The following PDZRN3 variants were observed in gnomAD, a reference collection of about 807,000 sequenced individuals.
PDZRN3 encodes the protein E3 ubiquitin-protein ligase PDZRN3.
A neutral mutation model predicts 85.7 loss-of-function variants in PDZRN3; 38 were observed. The ratio of observed to expected loss-of-function variants is 0.44; its 90% CI spans 0.34 to 0.58. The LOEUF (loss-of-function observed/expected upper bound fraction) is 0.58. PDZRN3 is among the 20% of genes least tolerant of loss of function. The pLI is 0.01. For synonymous variants in PDZRN3, 759 were observed against 638.0 expected, an observed-to-expected ratio of 1.19 and a Z score of -2.86; for missense variants, 1,629 against 1,506.4, an observed-to-expected ratio of 1.08 and a Z score of -1.35.
At chr3:73,533,605 C>A (rs978194344) in intron 3 of PDZRN3, among the ~76,000 whole-genome samples, 4 of 151,680 alleles carry the variant, frequency 2.6e-5, no homozygotes, top group Non-Finnish European at 5.9e-5. Flanking sequence ...GGGAACGTAT[C>A]CCATATAAGA....
intron 3 of PDZRN3, among the ~76,000 whole-genome samples, chr3:73,466,696 AG>A (rs1209857895): frequency 2.0e-5 from 3 of 152,334 alleles, no homozygotes; most frequent in Middle Eastern, 3.4e-3. Flanking sequence ...ATTTGTAGAA[AG>A]GGTCAAATTG....
intron 3 of PDZRN3, among the ~76,000 whole-genome samples, chr3:73,506,359 C>A (rs538254604): frequency 6.6e-6 from 1 of 152,148 alleles, no homozygotes; most frequent in East Asian, 1.9e-4. Flanking sequence ...ATGTGTACAA[C>A]AAAGATGAAA....
rs747166762 is a variant in PDZRN3, at chr3:73,383,446, G to A, written c.3120C>T (p.Ile1040=). The change falls in exon 10 of 10, where the codon ATC becomes ATT. Residue 1040 remains isoleucine (I), a synonymous_variant. Transcript: ENST00000263666. ...TTGTGCCGTGGGTTAAGAGTTCTTG[G>A]ATCGTCATCCAGTTATCGAAGATTT... The part of the protein sequence containing the change: ...NKKIFDNWMT[I]QELLTHGTKS... 4 of 1,614,114 alleles carry A rather than the reference G, an allele frequency of 2.5e-6. No homozygotes were observed. In the South Asian group the frequency reaches 3.3e-5, roughly 13 times the overall value.
intron 5 of PDZRN3, among the ~76,000 whole-genome samples, chr3:73,392,467 T>C (rs1308983253): frequency 6.6e-6 from 1 of 152,234 alleles, no homozygotes; most frequent in Non-Finnish European, 1.5e-5. Context: ...ACTCTCCCTC[T>C]TTCTAGCAGC....
intron 3 of PDZRN3, among the ~76,000 whole-genome samples, chr3:73,477,086 T>C (rs1435260517): frequency 6.6e-6 from 1 of 152,242 alleles, no homozygotes; most frequent in African/African-American, 2.4e-5. Flanking sequence ...TCATGAACTA[T>C]CTTGCTTAAT....
intron 3 of PDZRN3, among the ~76,000 whole-genome samples, chr3:73,492,226 C>G (rs1297670733): frequency 6.6e-6 from 1 of 152,156 alleles, no homozygotes; most frequent in Non-Finnish European, 1.5e-5. Context: ...AAATATTTCA[C>G]AGAAAAACCC....
intron 3 of PDZRN3, among the ~76,000 whole-genome samples, chr3:73,426,628 T>C (rs1702321076): frequency 6.6e-6 from 1 of 152,186 alleles, no homozygotes; most frequent in Non-Finnish European, 1.5e-5. Flanking sequence ...CAAGAAAATC[T>C]GTCAGAAGGC....
At chr3:73,609,083 T>C (rs890473492) in intron 1 of PDZRN3, among the ~76,000 whole-genome samples, 39 of 152,270 alleles carry the variant, frequency 2.6e-4, no homozygotes, top group African/African-American at 7.2e-4. Flanking sequence ...TGTCATGTCA[T>C]GAAAGGTTCA....
At chr3:73,471,964 A>G (rs1263280319) in intron 3 of PDZRN3, among the ~76,000 whole-genome samples, 3 of 152,208 alleles carry the variant, frequency 2.0e-5, no homozygotes, top group South Asian at 4.1e-4. Context: ...GTAGACAGGG[A>G]TAAGTTAGTG....
At chr3:73,434,509 GCTGCCCTAC>G (rs1702494934) in intron 3 of PDZRN3, among the ~76,000 whole-genome samples, 1 of 152,194 alleles carries the variant, frequency 6.6e-6, no homozygotes, top group African/African-American at 2.4e-5. Context: ...AAGGAGAGAG[GCTGCCCTAC>G]AGGTGAGAAA....
At chr3:73,452,874 T>TGTGTGTGTGTGTGTG (rs71126871) in intron 3 of PDZRN3, among the ~76,000 whole-genome samples, 25 of 151,510 alleles carry the variant, frequency 1.7e-4, no homozygotes, top group Non-Finnish European at 2.2e-4. Flanking sequence ...TGTGTGTGTG[T>TGTGTGTGTGTGTGTG]TTTAAGTCCA....
At chr3:73,467,642 T>C (rs1703247895) in intron 3 of PDZRN3, among the ~76,000 whole-genome samples, 1 of 152,238 alleles carries the variant, frequency 6.6e-6, no homozygotes, top group Non-Finnish European at 1.5e-5. Flanking sequence ...TTGCTAATAT[T>C]TGCTAATCTC....
At chr3:73,416,875 G>GTTTTTTTTTT (rs1491373717) in intron 3 of PDZRN3, among the ~76,000 whole-genome samples, 6 of 40,750 alleles carry the variant, frequency 1.5e-4, no homozygotes, top group African/African-American at 2.9e-4. Flanking sequence ...GTTTTTTTTT[G>GTTTTTTTTTT]GTTTTTTTTT....
At chr3:73,466,986 G>A (rs902090030) in intron 3 of PDZRN3, among the ~76,000 whole-genome samples, 1 of 152,100 alleles carries the variant, frequency 6.6e-6, no homozygotes, top group African/African-American at 2.4e-5. Flanking sequence ...GCAAAAATGG[G>A]TCCCCAGGAA....
intron 3 of PDZRN3, among the ~76,000 whole-genome samples, chr3:73,508,516 T>G (rs1263405566): frequency 2.0e-5 from 3 of 152,158 alleles, no homozygotes; most frequent in Admixed American, 6.5e-5. Context: ...GGACCTGCCG[T>G]GCAGCTCCTC....
intron 3 of PDZRN3, among the ~76,000 whole-genome samples, chr3:73,463,235 G>A (rs1703144437): frequency 6.6e-6 from 1 of 152,194 alleles, no homozygotes; most frequent in Non-Finnish European, 1.5e-5. Flanking sequence ...AGCAGGAAAG[G>A]ATTACCCAAA....
At chr3:73,555,326 C>A (rs1701669710) in intron 3 of PDZRN3, among the ~76,000 whole-genome samples, 1 of 152,070 alleles carries the variant, frequency 6.6e-6, no homozygotes, top group Admixed American at 6.6e-5. Flanking sequence ...GAAGAAACAC[C>A]TTTGTTCTCA....
Position 73,404,331 on chromosome 3 carries a change from T to C in PDZRN3, c.983A>G (p.Lys328Arg). 6.2e-7 allele frequency: 1 copy of C among 1,614,212 alleles called. No homozygotes were observed. The highest frequency in any genetic ancestry group is 1.1e-5 in the South Asian group (1 of 91,084). ...CAACACCTGCACCACTATGGGCTCC[T>C]TGGCTGTCTTGAAAGCTTCCACAGC... is the stretch of plus-strand genomic sequence containing the variant. ...DQAVEAFKTA[K>R]EPIVVQVLRR... The change falls in exon 4 of 10, where the codon AAG (lysine) becomes AGG (arginine). Residue 328 changes from lysine (K) to arginine (R), a missense_variant. Lys to Arg is a conservative substitution (Grantham distance 26). Coordinates refer to ENST00000263666, the MANE Select transcript of PDZRN3 (RefSeq NM_015009.3).
chr3:73,487,606 T>C (rs1029133012), intron 3 of PDZRN3, among the ~76,000 whole-genome samples: 1 of 152,208 alleles, frequency 6.6e-6, no homozygotes, highest in Non-Finnish European at 1.5e-5. Context: ...AGCTTTCTTC[T>C]CTGGCTAAAA....
Sources: gnomAD v4.1 joint callset for allele counts (sites outside exome capture counted in the v4.1 genomes callset) on GRCh38, gnomAD v4.1.1 for gene constraint, MANE v1.5 for transcripts, NCBI Gene and HGNC (gene_info 2026-07-23, HGNC 2026-07-21) for gene names.